ADAMTSL3: variants seen among roughly 807,000 people sequenced by gnomAD.
ADAMTSL3 encodes the protein ADAMTS-like protein 3.
ADAMTSL3 carries 128 observed loss-of-function variants against 201.7 expected under a neutral mutation model. The ratio of observed to expected loss-of-function variants is 0.63; its 90% CI spans 0.55 to 0.73. The LOEUF is 0.73. Ranked by LOEUF, ADAMTSL3 falls within the 30% of genes least tolerant of loss-of-function variation. The pLI, the probability that ADAMTSL3 is intolerant of heterozygous loss-of-function variation, is 0.00. For synonymous variants in ADAMTSL3, 738 were observed against 748.4 expected (o/e 0.99, Z 0.23); for missense variants, 1,990 against 2,119.6 (o/e 0.94, Z 1.20).
intron 17 of ADAMTSL3, 33 bp downstream of exon 17, chr15:83,924,066 G>A (rs753257374): frequency 1.1e-5 from 17 of 1,610,336 alleles, no homozygotes; most frequent in Admixed American, 6.7e-5. Context: ...GGTATATACC[G>A]TGTCCGGGTG....
intron 8 of ADAMTSL3, among the ~76,000 whole-genome samples, chr15:83,866,810 T>G (rs1288720443): frequency 6.6e-6 from 1 of 152,182 alleles, no homozygotes; most frequent in East Asian, 1.9e-4. Context: ...AATTCATTTA[T>G]GTGTATATGT....
intron 17 of ADAMTSL3, among the ~76,000 whole-genome samples, chr15:83,928,384 G>T (rs1293881800): frequency 6.6e-6 from 1 of 152,076 alleles, no homozygotes; most frequent in Non-Finnish European, 1.5e-5. Flanking sequence ...ATATGTTGGG[G>T]TATATTTTAT....
intron 7 of ADAMTSL3, among the ~76,000 whole-genome samples, chr15:83,847,109 G>C (rs903866550): frequency 6.6e-6 from 1 of 152,230 alleles, no homozygotes; most frequent in Non-Finnish European, 1.5e-5. Flanking sequence ...TTTGCAGATT[G>C]AGCAATCAGA....
intron 2 of ADAMTSL3, among the ~76,000 whole-genome samples, chr15:83,692,467 C>T (rs1368688421): frequency 3.9e-5 from 6 of 151,910 alleles, no homozygotes; most frequent in East Asian, 3.9e-4. Flanking sequence ...GGGCGGATCA[C>T]GAGGTCAGGA....
chr15:83,695,509 C>T (rs117253588), intron 2 of ADAMTSL3, among the ~76,000 whole-genome samples: 4,207 of 151,978 alleles, frequency 0.028, 84 homozygotes, highest in Non-Finnish European at 0.042. Flanking sequence ...GAGAAGGGCC[C>T]GGGGCTCATA....
intron 6 of ADAMTSL3, among the ~76,000 whole-genome samples, chr15:83,826,967 A>T (rs2064038006): frequency 6.6e-6 from 1 of 152,096 alleles, no homozygotes; most frequent in African/African-American, 2.4e-5. Context: ...GCCGTAATAA[A>T]CATACGTGTG....
At chr15:83,730,873 C>T (rs1366042542) in intron 3 of ADAMTSL3, among the ~76,000 whole-genome samples, 2 of 152,000 alleles carry the variant, frequency 1.3e-5, no homozygotes, top group Non-Finnish European at 2.9e-5. Flanking sequence ...GCTTTCCCAT[C>T]TGTTTTCTTC....
At chr15:83,957,166 CAG>C (rs916844651) in intron 19 of ADAMTSL3, among the ~76,000 whole-genome samples, 5 of 152,102 alleles carry the variant, frequency 3.3e-5, no homozygotes, top group East Asian at 1.9e-4. Flanking sequence ...GGAAATGAGA[CAG>C]AGGGGTGTTC....
chr15:83,911,555 C>A (rs183700379), intron 15 of ADAMTSL3, among the ~76,000 whole-genome samples: 113 of 152,264 alleles, frequency 7.4e-4, no homozygotes, highest in Non-Finnish European at 1.4e-3. Flanking sequence ...TTGCCCCATC[C>A]TGGGGAGTTG....
At chr15:84,037,091 A>G in intron 29 of ADAMTSL3, 104 bp downstream of exon 29, 1 of 1,230,734 alleles carries the variant, frequency 8.1e-7, no homozygotes. Flanking sequence ...TTACCTCATC[A>G]GTGTCCCAAC....
At chr15:83,853,670 C>T (rs539320021) in intron 7 of ADAMTSL3, among the ~76,000 whole-genome samples, 2 of 152,050 alleles carry the variant, frequency 1.3e-5, no homozygotes, top group Non-Finnish European at 2.9e-5. Flanking sequence ...GTATATAGTG[C>T]ATAATTCAAA....
Position 83,872,881 on chromosome 15 carries a change from G to A in ADAMTSL3, c.960+1922G>A, listed in dbSNP as rs189550237. ...TCTATGAGTTTGTATGTACACACACGTATATGTATATGTATATTTTTAAAA... is the reference window on the plus strand; with the variant it reads ...TCTATGAGTTTGTATGTACACACACATATATGTATATGTATATTTTTAAAA... On this transcript the variant is annotated intron_variant, in intron 9 of 29. Coordinates refer to ENST00000286744, the MANE Select transcript of ADAMTSL3 (RefSeq NM_207517.3). Among the ~76,000 whole-genome samples, 5 of 145,296 alleles carry A rather than the reference G, an allele frequency of 3.4e-5. 1 individual carries two copies. Among genetic ancestry groups the A allele is most frequent in the Non-Finnish European group, 4.5e-5 (3 of 66,780 alleles).
chr15:83,703,450 C>G (rs1007896730), intron 2 of ADAMTSL3, among the ~76,000 whole-genome samples: 19 of 152,068 alleles, frequency 1.2e-4, no homozygotes, highest in African/African-American at 4.6e-4. Flanking sequence ...AATTGTACTC[C>G]TATAATTCCC....
intron 15 of ADAMTSL3, among the ~76,000 whole-genome samples, chr15:83,906,064 C>T (rs2065825999): frequency 6.6e-6 from 1 of 151,464 alleles, no homozygotes; most frequent in Non-Finnish European, 1.5e-5. Context: ...GTAAACTACC[C>T]ACTTTGGTTT....
At chr15:83,746,414 A>C (rs2062548276) in intron 3 of ADAMTSL3, among the ~76,000 whole-genome samples, 1 of 151,894 alleles carries the variant, frequency 6.6e-6, no homozygotes, top group Non-Finnish European at 1.5e-5. Context: ...TGTTAGCAAA[A>C]AAGAAAGGAG....
At chr15:83,768,591 G>T (rs151225278) in intron 3 of ADAMTSL3, among the ~76,000 whole-genome samples, 1 of 152,274 alleles carries the variant, frequency 6.6e-6, no homozygotes, top group East Asian at 1.9e-4. Flanking sequence ...GAACTAGGAG[G>T]CCTTCAGAAA....
At chr15:83,867,853 G>A (rs1340093120) in intron 8 of ADAMTSL3, among the ~76,000 whole-genome samples, 1 of 152,118 alleles carries the variant, frequency 6.6e-6, no homozygotes, top group Non-Finnish European at 1.5e-5. Context: ...TCAACTAGAA[G>A]CAATTAGAAG....
intron 7 of ADAMTSL3, among the ~76,000 whole-genome samples, chr15:83,855,374 A>G (rs917658293): frequency 2.6e-5 from 4 of 152,180 alleles, no homozygotes; most frequent in Admixed American, 6.5e-5. Flanking sequence ...ATGTTATATA[A>G]GTATCTCTGA....
At position 83,819,829 on chromosome 15, in the gene ADAMTSL3, G is replaced by A; in HGVS notation, c.382G>A (p.Glu128Lys). 1 of 1,613,762 alleles carries A rather than the reference G, an allele frequency of 6.2e-7. No individual in the cohort carries two copies. Among genetic ancestry groups the A allele is most frequent in the Non-Finnish European group, 8.5e-7 (1 of 1,179,894 alleles). Residue 128 changes from glutamate (E) to lysine (K), a missense_variant, in exon 6 of 30, where the codon GAA becomes AAA. By Grantham distance (56) the Glu-to-Lys change is moderately conservative. Coordinates refer to ENST00000286744, the MANE Select transcript of ADAMTSL3 (RefSeq NM_207517.3). ...CCCCCAGGACTGCCCTCCAGATGCA[G>A]AAGATTTCAGAGCCCAGCAGTGCTC... is the stretch of plus-strand genomic sequence containing the variant. ...CSNHDCPPDA[E>K]DFRAQQCSAY...
Sources: gnomAD v4.1 joint callset for allele counts (sites outside exome capture counted in the v4.1 genomes callset) on GRCh38, gnomAD v4.1.1 for gene constraint, MANE v1.5 for transcripts, NCBI Gene and HGNC (gene_info 2026-07-23, HGNC 2026-07-21) for gene names.